PUDP: variants seen among roughly 807,000 people sequenced by gnomAD.
PUDP encodes pseudouridine 5'-phosphatase, also known as pseudouridine-5'-phosphatase.
PUDP carries 8 observed loss-of-function variants against 9.4 expected under a neutral mutation model. The ratio of observed to expected loss-of-function variants is 0.85; its 90% CI spans 0.50 to 1.53. The LOEUF (loss-of-function observed/expected upper bound fraction) is 1.53, where lower values mean the gene tolerates loss of function less well. Ranked by LOEUF, PUDP falls within the 40% of genes most tolerant of loss-of-function variation. The probability of loss-of-function intolerance (pLI) is 0.00; values close to 1 mark genes in which losing one functional copy is unlikely to be tolerated. For missense variants in PUDP, 188 were observed against 189.7 expected (o/e 0.99, Z 0.05); for synonymous variants, 99 against 80.7 (o/e 1.23, Z -1.22).
At chrX:6,939,883 A>T (rs1928374579) in intron 3 of PUDP, among the ~76,000 whole-genome samples, 1 of 111,392 alleles carries the variant, frequency 9.0e-6, no homozygotes, top group Non-Finnish European at 1.9e-5. Context: ...AGAAGAGAAA[A>T]GAAAAAAGAA....
intron 3 of PUDP, among the ~76,000 whole-genome samples, chrX:6,788,172 C>A (rs1925678610): frequency 8.9e-6 from 1 of 111,813 alleles, no homozygotes; most frequent in South Asian, 3.7e-4. Context: ...AGCACCCACG[C>A]GACCAGTCTG....
intron 1 of PUDP, among the ~76,000 whole-genome samples, chrX:7,110,044 T>C (rs1238297794): frequency 3.6e-5 from 4 of 112,042 alleles, no homozygotes; most frequent in Non-Finnish European, 7.5e-5. Context: ...AAGGGCAGCA[T>C]GGGGAGGGGG....
chrX:7,116,836 C>G (rs1349880250), intron 1 of PUDP: 1 of 1,029,393 alleles, frequency 9.7e-7, no homozygotes, highest in East Asian at 3.4e-5. Flanking sequence ...GGGCCATCCT[C>G]CACTTGGTGA....
chrX:6,759,100 C>T (rs1243889847), intron 3 of PUDP, among the ~76,000 whole-genome samples: 1 of 111,983 alleles, frequency 8.9e-6, no homozygotes, highest in African/African-American at 3.2e-5. Context: ...CTCTGACAAA[C>T]ATAGCATTCC....
intron 3 of PUDP, among the ~76,000 whole-genome samples, chrX:6,821,500 C>T (rs907286526): frequency 3.6e-5 from 4 of 111,281 alleles, no homozygotes; most frequent in African/African-American, 1.3e-4. Flanking sequence ...AGGAAACCCA[C>T]GTTCACCTTC....
intron 3 of PUDP, among the ~76,000 whole-genome samples, chrX:7,054,574 C>T (rs1279337562): frequency 9.0e-6 from 1 of 111,525 alleles, no homozygotes; most frequent in African/African-American, 3.3e-5. Flanking sequence ...AGCACAAGAC[C>T]CTTGCAAAGT....
At chrX:7,136,803 G>T (rs764864187) in intron 1 of PUDP, among the ~76,000 whole-genome samples, 1 of 107,657 alleles carries the variant, frequency 9.3e-6, no homozygotes, top group Non-Finnish European at 1.9e-5. Context: ...TCTCCTTAGG[G>T]CCTGTGTTCC....
At chrX:6,898,152 G>A (rs1927620185) in intron 3 of PUDP, among the ~76,000 whole-genome samples, 1 of 112,042 alleles carries the variant, frequency 8.9e-6, no homozygotes, top group South Asian at 3.7e-4. Context: ...GAGGAAGGGA[G>A]GCTAAGCCCA....
At chrX:7,039,465 T>C (rs968242714) in intron 1 of PUDP, among the ~76,000 whole-genome samples, 2 of 111,689 alleles carry the variant, frequency 1.8e-5, no homozygotes, top group African/African-American at 6.5e-5. Flanking sequence ...AGGAGGAAAT[T>C]AAAGTAAAAT....
intron 1 of PUDP, among the ~76,000 whole-genome samples, chrX:6,713,571 G>A (rs1020651472): frequency 5.3e-5 from 6 of 112,306 alleles, no homozygotes; most frequent in African/African-American, 1.6e-4. Context: ...TAGGTGACGT[G>A]TATTAAATAC....
chrX:6,720,258 G>GTGTA (rs1555907522), intron 1 of PUDP, among the ~76,000 whole-genome samples: 705 of 48,774 alleles, frequency 0.014, 5 homozygotes, highest in African/African-American at 0.021. Flanking sequence ...GTGTGTGTGT[G>GTGTA]TATATATATA....
At chrX:6,976,610 C>T (rs974483762) in intron 3 of PUDP, among the ~76,000 whole-genome samples, 1 of 112,031 alleles carries the variant, frequency 8.9e-6, no homozygotes, top group Non-Finnish European at 1.9e-5. Context: ...TTGCGTTGAT[C>T]TCACTGGGAG....
At chrX:6,847,573 C>T (rs1926768078) in intron 3 of PUDP, among the ~76,000 whole-genome samples, 1 of 112,273 alleles carries the variant, frequency 8.9e-6, no homozygotes, top group Non-Finnish European at 1.9e-5. Context: ...ATCATATCTG[C>T]CACTTGGCTA....
chrX:7,111,535 G>A (rs1932050636), intron 1 of PUDP, among the ~76,000 whole-genome samples: 1 of 111,381 alleles, frequency 9.0e-6, no homozygotes, highest in South Asian at 3.9e-4. Context: ...AGGTGTGGGA[G>A]GTGGCAGGCA....
At chrX:7,118,795 C>T (rs774608184) in intron 1 of PUDP, among the ~76,000 whole-genome samples, 253 of 111,259 alleles carry the variant, frequency 2.3e-3, no homozygotes, top group Non-Finnish European at 3.9e-3. Context: ...CCAGATATCC[C>T]GGGTATGCAG....
intron 3 of PUDP, among the ~76,000 whole-genome samples, chrX:6,919,040 C>T (rs1285643592): frequency 1.8e-5 from 2 of 111,437 alleles, no homozygotes; most frequent in Non-Finnish European, 3.8e-5. Context: ...AACTTTCGAC[C>T]CCTAGTGAAA....
chrX:6,755,337 A>T (rs1274514267), intron 3 of PUDP, among the ~76,000 whole-genome samples: 2 of 111,937 alleles, frequency 1.8e-5, no homozygotes, highest in African/African-American at 6.5e-5. Context: ...AAACAATGAG[A>T]GTCAACTGTA....
chrX:7,057,822 C>A, intron 3 of PUDP: 1 of 1,140,560 alleles, frequency 8.8e-7, no homozygotes, highest in Non-Finnish European at 1.2e-6. Context: ...ATGGATGGAG[C>A]TCTAGGTACA....
At chrX:7,042,718 A>C in intron 1 of PUDP, among the ~76,000 whole-genome samples, 1 of 110,743 alleles carries the variant, frequency 9.0e-6, no homozygotes, top group Non-Finnish European at 1.9e-5. Context: ...CTGTGTTCTA[A>C]TTTTTCAGAA....
Sources: allele counts gnomAD v4.1 joint callset (sites outside exome capture counted in the v4.1 genomes callset), GRCh38; gene constraint gnomAD v4.1.1; transcripts MANE v1.5; gene names NCBI Gene and HGNC (gene_info 2026-07-23, HGNC 2026-07-21).